The following GSTM2 variants were observed in gnomAD, a reference collection of about 807,000 sequenced individuals.
GSTM2 encodes glutathione S-transferase mu 2, also known as GST class-mu 2.
Under a neutral mutation model 33.3 loss-of-function variants are expected in GSTM2, and 33 were observed. The observed-to-expected ratio is 0.99, with a 90% confidence interval of 0.75 to 1.33. The LOEUF (loss-of-function observed/expected upper bound fraction) is 1.33. Among genes scored for constraint, GSTM2 ranks in the 40% most tolerant of loss-of-function variants. The pLI is 0.00. For missense variants in GSTM2, 213 were observed against 265.8 expected (o/e 0.80, Z 1.38); for synonymous variants, 93 against 95.6 (o/e 0.97, Z 0.16).
chr1:109,681,798 C>A (rs1647863733), intron 7 of GSTM2: 2 of 1,591,426 alleles, frequency 1.3e-6, no homozygotes, highest in African/African-American at 1.4e-5. Flanking sequence ...ATTTTCTTTT[C>A]TCTGAGGTAG....
chr1:109,668,751 GT>G (rs1404074272), intron 2 of GSTM2, 173 bp from the exon 3 acceptor site: 4 of 861,892 alleles, frequency 4.6e-6, no homozygotes, highest in Non-Finnish European at 1.9e-6. Flanking sequence ...GCTGTGTGGG[GT>G]CCAGAGCCCT....
Position 109,668,442 on chromosome 1 carries a change from C to A in GSTM2, c.54C>A (p.Arg18=). Residue 18 remains arginine, a synonymous_variant, in exon 2 of 8, where the codon CGC becomes CGA. Coordinates refer to ENST00000241337, the MANE Select transcript of GSTM2 (RefSeq NM_000848.4). ...TCTCCCAGCTGGCCCATTCCATCCG[C>A]CTGCTCCTGGAATACACAGACTCAA... ...WNIRGLAHSI[R]LLLEYTDSSY... is the part of the protein sequence containing the mutation. 1 of 1,614,202 alleles carries A rather than the reference C, an allele frequency of 6.2e-7. No individual in the cohort carries two copies. The highest frequency in any genetic ancestry group is 8.5e-7 in the Non-Finnish European group (1 of 1,180,038).
In GSTM2 at chr1:109,669,330, G is replaced by A; in HGVS notation, c.218G>A (p.Ser73Asn). 2 of 1,614,198 alleles carry A rather than the reference G, an allele frequency of 1.2e-6. No homozygotes were observed. The highest frequency in any genetic ancestry group is 1.7e-6 in the Non-Finnish European group (2 of 1,180,028). ...LIDGTHKITQSNAILRYIARK... is the reference protein window; with the variant it reads ...LIDGTHKITQNNAILRYIARK... Reference sequence around the variant, plus strand: ...GATGGGACTCACAAGATCACCCAGAGCAACGCCATCCTGCGGTACATTGCC... The same window carrying A: ...GATGGGACTCACAAGATCACCCAGAACAACGCCATCCTGCGGTACATTGCC... Residue 73 changes from serine to asparagine, a missense_variant, in exon 4 of 8, where the codon AGC (serine) becomes AAC (asparagine). Physicochemically the swap from Ser to Asn is conservative, Grantham distance 46. Transcript: ENST00000241337.
chr1:109,672,344 G>A (rs1647575808), intron 7 of GSTM2, among the ~76,000 whole-genome samples: 1 of 152,080 alleles, frequency 6.6e-6, no homozygotes, highest in South Asian at 2.1e-4. Context: ...GCCACGAACT[G>A]TACCCAGCAC....
intron 2 of GSTM2, 50 bp from the exon 3 acceptor site, chr1:109,668,875 A>G (rs749445198): frequency 6.2e-7 from 1 of 1,609,044 alleles, no homozygotes; most frequent in Non-Finnish European, 8.5e-7. Context: ...CCCAGGAAGG[A>G]GGGCTGGGCT....
chr1:109,679,331 C>T (rs975054464), downstream of GSTM2, among the ~76,000 whole-genome samples: 2 of 152,058 alleles, frequency 1.3e-5, no homozygotes, highest in Non-Finnish European at 2.9e-5. Flanking sequence ...ATTAGCCGGG[C>T]ATGGTGGTGG....
At chr1:109,671,257 G>A in intron 5 of GSTM2, 30 bp from the exon 6 acceptor site, 1 of 1,517,198 alleles carries the variant, frequency 6.6e-7, no homozygotes, top group Non-Finnish European at 9.2e-7. Context: ...GCTTGTGTCT[G>A]AGGGTGTTGA....
At chr1:109,674,622 T>C in intron 7 of GSTM2, 125 bp from the exon 8 acceptor site, 1 of 1,113,538 alleles carries the variant, frequency 9.0e-7, no homozygotes, top group Non-Finnish European at 1.3e-6. Context: ...GTGTGATGCC[T>C]CAGCACTTGA....
chr1:109,668,371 C>G, intron 1 of GSTM2, 54 bp from the exon 2 acceptor site: 1 of 1,591,772 alleles, frequency 6.3e-7, no homozygotes, highest in South Asian at 1.1e-5. Flanking sequence ...GCAGAGTCGT[C>G]ACAAAGTCAG....
At chr1:109,673,026 C>A (rs1014102237) in intron 7 of GSTM2, among the ~76,000 whole-genome samples, 5 of 152,004 alleles carry the variant, frequency 3.3e-5, no homozygotes, top group Admixed American at 1.3e-4. Flanking sequence ...TGTACCACCA[C>A]GTCCAGCTAA....
At chr1:109,678,660 T>C (rs1301161999), downstream of GSTM2, among the ~76,000 whole-genome samples, 1 of 150,768 alleles carries the variant, frequency 6.6e-6, no homozygotes, top group Non-Finnish European at 1.5e-5. Flanking sequence ...CTCAAGAGGC[T>C]GAGGCAGGAC....
downstream of GSTM2, among the ~76,000 whole-genome samples, chr1:109,678,460 A>G (rs71665014): frequency 1.3e-5 from 2 of 152,126 alleles, no homozygotes; most frequent in Admixed American, 6.5e-5. Context: ...AAAAATCTGT[A>G]TATGGGCTGG....
Position 109,669,578 on chromosome 1 carries a change from C to G in GSTM2, c.360+7C>G. 2 of 1,544,052 alleles carry G rather than the reference C, an allele frequency of 1.3e-6. No individual in the cohort carries two copies. Among genetic ancestry groups the G allele is most frequent in the Non-Finnish European group, 1.8e-6 (2 of 1,118,118 alleles). On this transcript the variant is annotated splice_region_variant and intron_variant, in intron 5 of 7. Transcript: ENST00000241337. ...CTGCTATGACCCAGATTTTGTAAGTCCCCCCACCCCACTCCCAGTCTCCCC... is the reference window on the plus strand; with the variant it reads ...CTGCTATGACCCAGATTTTGTAAGTGCCCCCACCCCACTCCCAGTCTCCCC...
rs1647431789 is a variant in GSTM2 at position 109,668,999 on chromosome 1, G to A, written c.177+10G>A. The A allele has an allele frequency of 6.2e-7, 1 of 1,611,738 alleles. No homozygotes were observed. The highest frequency in any genetic ancestry group is 8.5e-7 in the Non-Finnish European group (1 of 1,179,582). Reference sequence around the variant, plus strand: ...CCTGGACTTTCCCAATGTAGGTGCAGGGGAAGGGGCGGTTTTGGGGGAAAG... The same window carrying A: ...CCTGGACTTTCCCAATGTAGGTGCAAGGGAAGGGGCGGTTTTGGGGGAAAG... On this transcript the variant is annotated intron_variant, in intron 3 of 7. Coordinates refer to ENST00000241337, the MANE Select transcript of GSTM2 (RefSeq NM_000848.4).
intron 5 of GSTM2, 167 bp from the exon 6 acceptor site, chr1:109,671,120 T>C (rs1275117303): frequency 1.6e-6 from 1 of 620,896 alleles, no homozygotes; most frequent in Admixed American, 2.8e-5. Flanking sequence ...AGTTGGAGTC[T>C]AATAAATGCT....
intron 5 of GSTM2, 84 bp from the exon 6 acceptor site, chr1:109,671,203 G>A: frequency 1.0e-6 from 1 of 955,768 alleles, no homozygotes; most frequent in Non-Finnish European, 1.7e-6. Flanking sequence ...CCCGCGGCCA[G>A]CTGGGGCCAT....
chr1:109,668,507 G>A lies in GSTM2; in HGVS notation c.112+7G>A. The stretch of plus-strand genomic sequence containing the variant: ...AAGTACACGATGGGGGACGGTAATG[G>A]CACCCTCGAGTCTGGGCCCTGCCCC... On this transcript the variant is annotated splice_region_variant and intron_variant, in intron 2 of 7. Transcript: ENST00000241337. 6.2e-7 allele frequency: 1 copy of A among 1,613,746 alleles called. No individual in the cohort carries two copies.
At position 109,668,254 on chromosome 1, in the gene GSTM2, T is replaced by C. The variant is rs562707080; in HGVS notation, c.36+103T>C. On this transcript the variant is annotated intron_variant, in intron 1 of 7. Coordinates refer to ENST00000241337, the MANE Select transcript of GSTM2 (RefSeq NM_000848.4). ...TAGGGACGGTTCCTCTTCAGGGCTG[T>C]CCCTGACAGCGGGGTCTGTGCTTGC... The C allele has an allele frequency of 2.8e-5, 38 of 1,380,658 alleles. No individual in the cohort carries two copies. The South Asian group carries it at 3.5e-4, about 13-fold the overall frequency. The allele number at this position is 1,380,658 out of a possible 1,614,324, so 85.5% of individuals were successfully genotyped here.
At chr1:109,668,600 C>T (rs1404164233) in intron 2 of GSTM2, 100 bp downstream of exon 2, 25 of 1,324,144 alleles carry the variant, frequency 1.9e-5, no homozygotes, top group Non-Finnish European at 2.6e-5. Flanking sequence ...GCCTCCCTTG[C>T]TGGAACTGCA....
Sources: allele counts gnomAD v4.1 joint callset (sites outside exome capture counted in the v4.1 genomes callset), GRCh38; gene constraint gnomAD v4.1.1; transcripts MANE v1.5; gene names NCBI Gene and HGNC (gene_info 2026-07-23, HGNC 2026-07-21).